Variants in FOLH1 observed in about 807,000 individuals in gnomAD.
The protein encoded by FOLH1 is glutamate carboxypeptidase 2.
In FOLH1, 54 loss-of-function variants were observed where a neutral mutation model predicts 93.9. The observed-to-expected ratio is 0.57, with a 90% confidence interval of 0.46 to 0.72. FOLH1 has a LOEUF of 0.72. Ranked by LOEUF, FOLH1 falls within the 30% of genes least tolerant of loss-of-function variation. FOLH1 has a pLI of 0.00. For missense variants in FOLH1, 571 were observed against 892.5 expected (o/e 0.64, Z 4.59); for synonymous variants, 249 against 303.6 (o/e 0.82, Z 1.87).
At chr11:49,160,468 A>C (rs1857564382) in intron 13 of FOLH1, among the ~76,000 whole-genome samples, 1 of 151,116 alleles carries the variant, frequency 6.6e-6, no homozygotes, top group Admixed American at 6.6e-5. Context: ...TTTGAGACGG[A>C]GTCTCTCTCT....
intron 4 of FOLH1, among the ~76,000 whole-genome samples, chr11:49,187,043 CA>C (rs71049335): frequency 0.069 from 10,370 of 150,760 alleles, 397 homozygotes; most frequent in Middle Eastern, 0.11. Context: ...GCACCCCCCC[CA>C]CACACACACA....
chr11:49,198,464 A>ACTGC, intron 3 of FOLH1, among the ~76,000 whole-genome samples: 3 of 150,848 alleles, frequency 2.0e-5, no homozygotes, highest in African/African-American at 7.4e-5. Flanking sequence ...CCTGGGCGAC[A>ACTGC]AAGCGAGACT....
chr11:49,185,633 TAA>T, intron 6 of FOLH1, 34 bp downstream of exon 6: 2 of 1,612,120 alleles, frequency 1.2e-6, no homozygotes, highest in African/African-American at 1.3e-5. Flanking sequence ...TTTCAAATGT[TAA>T]GTTTCCTATG....
chr11:49,146,329 C>T lies in FOLH1; in HGVS notation c.*427G>A, dbSNP rs1450771901. 1.3e-5 allele frequency among the ~76,000 whole-genome samples: 2 copies of T among 152,182 alleles called. No homozygotes were observed. The highest frequency in any genetic ancestry group is 2.4e-5 in the African/African-American group (1 of 41,464). ...CAAATAGTGTGCTGAGATAGTGATCCTCTCAGCCCAGGCTGGCCAGGTAGG... is the reference window on the plus strand; with the variant it reads ...CAAATAGTGTGCTGAGATAGTGATCTTCTCAGCCCAGGCTGGCCAGGTAGG... On this transcript the variant is annotated 3_prime_UTR_variant, in exon 19 of 19. Coordinates refer to ENST00000256999, the MANE Select transcript of FOLH1 (RefSeq NM_004476.3).
intron 13 of FOLH1, among the ~76,000 whole-genome samples, chr11:49,164,078 C>G (rs962055229): frequency 6.6e-5 from 10 of 152,220 alleles, no homozygotes; most frequent in African/African-American, 2.4e-4. Context: ...TTTACTTGCC[C>G]CTTCAATTTC....
intron 17 of FOLH1, among the ~76,000 whole-genome samples, chr11:49,149,156 A>G (rs1856161667): frequency 6.6e-6 from 1 of 152,108 alleles, no homozygotes. Flanking sequence ...GGTATACCTA[A>G]TGTAAATGAC....
chr11:49,154,814 C>T (rs987230034), intron 15 of FOLH1, among the ~76,000 whole-genome samples: 1 of 151,910 alleles, frequency 6.6e-6, no homozygotes, highest in South Asian at 2.1e-4. Flanking sequence ...AAAGACAAGA[C>T]AATCTTGCAT....
rs754036827 is a variant in FOLH1 at position 49,156,720 on chromosome 11, A to G, written c.1620T>C (p.Asn540=). 9.3e-6 allele frequency: 15 copies of G among 1,612,600 alleles called. No individual in the cohort carries two copies. In the East Asian group the frequency reaches 1.1e-4, roughly 12 times the overall value. The change falls in exon 15 of 19, where the codon AAT becomes AAC. Residue 540 remains asparagine, a synonymous_variant. Coordinates refer to ENST00000256999, the MANE Select transcript of FOLH1 (RefSeq NM_004476.3). ...IASGRARYTK[N]WETNKFSGYP... ...AGATAATTTGAGATTCACTTACCCA[A>G]TTTTTAGTATACCGTGCTCTGCCTG...
At chr11:49,183,556 C>T (rs1057244131) in intron 6 of FOLH1, among the ~76,000 whole-genome samples, 6 of 152,002 alleles carry the variant, frequency 3.9e-5, no homozygotes, top group Non-Finnish European at 8.8e-5. Flanking sequence ...CACAAGAAGA[C>T]GTGTACAAAA....
chr11:49,206,482 T>C, intron 1 of FOLH1: 1 of 605,318 alleles, frequency 1.7e-6, no homozygotes, highest in Non-Finnish European at 2.8e-6. Context: ...ATGTTTCAAC[T>C]AATGGGTGTA....
intron 15 of FOLH1, among the ~76,000 whole-genome samples, chr11:49,156,069 C>T (rs1371821319): frequency 1.3e-5 from 2 of 151,444 alleles, no homozygotes; most frequent in Non-Finnish European, 2.9e-5. Flanking sequence ...AAGGGAAGTT[C>T]CCCTGTATAT....
Position 49,170,073 on chromosome 11 carries a change from C to A in FOLH1, c.1309-815G>T, listed in dbSNP as rs568775552. On this transcript the variant is annotated intron_variant, in intron 11 of 18. Transcript: ENST00000256999. Reference sequence around the variant, plus strand: ...GAAAATTAAAGTCCACAGGGTTTCACATAATATCTGGAGTATGAAAGGAGC... The same window carrying A: ...GAAAATTAAAGTCCACAGGGTTTCAAATAATATCTGGAGTATGAAAGGAGC... Among the ~76,000 whole-genome samples, 205 of 150,234 alleles carry A rather than the reference C, an allele frequency of 1.4e-3. 2 individuals carry two copies. Among genetic ancestry groups the A allele is most frequent in the African/African-American group, 4.6e-3 (185 of 40,606 alleles).
At chr11:49,199,038 A>G (rs202684) in intron 3 of FOLH1, among the ~76,000 whole-genome samples, 52,251 of 150,440 alleles carry the variant, frequency 0.35, 9,396 homozygotes, top group African/African-American at 0.53. Context: ...ACATAACAAC[A>G]TATTAATCAT....
At chr11:49,196,198 C>A (rs997783228) in intron 3 of FOLH1, among the ~76,000 whole-genome samples, 7 of 151,986 alleles carry the variant, frequency 4.6e-5, no homozygotes, top group African/African-American at 1.7e-4. Flanking sequence ...ACAATAAAGT[C>A]ATATATCAAG....
At chr11:49,167,175 G>A (rs1858514965) in intron 12 of FOLH1, among the ~76,000 whole-genome samples, 1 of 152,180 alleles carries the variant, frequency 6.6e-6, no homozygotes, top group African/African-American at 2.4e-5. Context: ...TTCACCTTAT[G>A]TGTTTTAAGT....
At chr11:49,176,489 G>C (rs947656797) in intron 7 of FOLH1, among the ~76,000 whole-genome samples, 1 of 152,184 alleles carries the variant, frequency 6.6e-6, no homozygotes, top group African/African-American at 2.4e-5. Context: ...AGACCACCCA[G>C]TATATGCCAT....
At chr11:49,155,376 A>G (rs1565134209) in intron 15 of FOLH1, among the ~76,000 whole-genome samples, 1 of 152,038 alleles carries the variant, frequency 6.6e-6, no homozygotes, top group Non-Finnish European at 1.5e-5. Flanking sequence ...GAGACTGAAG[A>G]TTTTCCATCT....
chr11:49,204,768 G>T (rs1466761258), intron 2 of FOLH1, among the ~76,000 whole-genome samples: 1 of 152,160 alleles, frequency 6.6e-6, no homozygotes, highest in Non-Finnish European at 1.5e-5. Context: ...ATGTGCATGT[G>T]TGTGTGTGTA....
chr11:49,160,311 T>C (rs373912434), intron 13 of FOLH1, among the ~76,000 whole-genome samples: 12 of 152,210 alleles, frequency 7.9e-5, no homozygotes, highest in African/African-American at 2.9e-4. Context: ...GGGTTTTTCA[T>C]GTCTCCAACA....
Sources: allele counts gnomAD v4.1 joint callset (sites outside exome capture counted in the v4.1 genomes callset), GRCh38; gene constraint gnomAD v4.1.1; transcripts MANE v1.5; gene names NCBI Gene and HGNC (gene_info 2026-07-23, HGNC 2026-07-21).